The following RPGRIP1L variants were observed in gnomAD, a reference collection of about 807,000 sequenced individuals.
The protein encoded by RPGRIP1L is RPGRIP1 like, also known as protein fantom.
Under a neutral mutation model 160.4 loss-of-function variants are expected in RPGRIP1L, and 131 were observed. The observed-to-expected ratio is 0.82, with a 90% confidence interval of 0.71 to 0.94. The LOEUF is 0.94. Ranked by LOEUF, RPGRIP1L falls within the 40% of genes least tolerant of loss-of-function variation. RPGRIP1L has a pLI of 0.00. For synonymous variants in RPGRIP1L, 510 were observed against 515.8 expected (o/e 0.99, Z 0.15); for missense variants, 1,522 against 1,535.8 (o/e 0.99, Z 0.15).
At chr16:53,698,019 G>A (rs1034735813) in intron 2 of RPGRIP1L, among the ~76,000 whole-genome samples, 16 of 150,598 alleles carry the variant, frequency 1.1e-4, no homozygotes, top group Middle Eastern at 3.5e-3. Context: ...CTGCCGCCCC[G>A]TCTGGGATGT....
chr16:53,663,563 T>C (rs772062380), intron 10 of RPGRIP1L, among the ~76,000 whole-genome samples: 9 of 152,064 alleles, frequency 5.9e-5, no homozygotes, highest in Non-Finnish European at 8.8e-5. Context: ...GAGCAATTAC[T>C]AAGGCAAAGC....
intron 14 of RPGRIP1L, 121 bp downstream of exon 14, chr16:53,656,351 C>A (rs1967254795): frequency 7.5e-6 from 6 of 798,962 alleles, no homozygotes; most frequent in Non-Finnish European, 1.1e-5. Flanking sequence ...CATGAGCTAG[C>A]TATGAATTAG....
intron 14 of RPGRIP1L, 63 bp downstream of exon 14, chr16:53,656,404 GACATT>G: frequency 1.0e-6 from 1 of 1,003,582 alleles, no homozygotes; most frequent in Middle Eastern, 2.0e-4. Context: ...AGATTTGGAT[GACATT>G]ATCAACTGTT....
chr16:53,695,654 A>G (rs1305546316), intron 3 of RPGRIP1L: 2 of 547,656 alleles, frequency 3.7e-6, no homozygotes, highest in African/African-American at 3.8e-5. Flanking sequence ...TTCTTCAGAA[A>G]CAGTAGAGAC....
chr16:53,652,279 G>T (rs1436253331), intron 15 of RPGRIP1L, among the ~76,000 whole-genome samples: 1 of 152,102 alleles, frequency 6.6e-6, no homozygotes, highest in East Asian at 1.9e-4. Flanking sequence ...TGCTGTATTT[G>T]TCAGGCTGGT....
At chr16:53,621,420 T>C (rs914792575) in intron 23 of RPGRIP1L, among the ~76,000 whole-genome samples, 3 of 150,416 alleles carry the variant, frequency 2.0e-5, no homozygotes, top group African/African-American at 7.3e-5. Flanking sequence ...GTCTATCTTA[T>C]TTCTGGTCAA....
chr16:53,634,597 C>T (rs1965716899), intron 22 of RPGRIP1L, among the ~76,000 whole-genome samples: 1 of 152,160 alleles, frequency 6.6e-6, no homozygotes, highest in Admixed American at 6.5e-5. Flanking sequence ...AATGCCCTCA[C>T]TCTGTTAGTT....
chr16:53,658,862 G>T lies in RPGRIP1L; in HGVS notation c.1260C>A (p.Leu420=), dbSNP rs760245904. ...LKTERDQNEK[L]VQENRELQLQ... ...ACTGTAGTTCTCTATTCTCTTGAAC[G>T]AGTTTTTCATTTTGATCTTAAAAAT... The change falls in exon 11 of 27, where the codon CTC becomes CTA. Residue 420 remains leucine (L), a synonymous_variant. Coordinates refer to ENST00000647211, the MANE Select transcript of RPGRIP1L (RefSeq NM_015272.5). 2.5e-6 allele frequency: 4 copies of T among 1,598,480 alleles called. No homozygotes were observed. Among genetic ancestry groups the T allele is most frequent in the Non-Finnish European group, 3.4e-6 (4 of 1,169,018 alleles).
At chr16:53,695,012 A>G (rs1970648061) in intron 3 of RPGRIP1L, 2 of 276,324 alleles carry the variant, frequency 7.2e-6, no homozygotes. Flanking sequence ...CAGAGAGATA[A>G]CAGAATGCAT....
At chr16:53,679,961 C>T (rs914989514) in intron 6 of RPGRIP1L, among the ~76,000 whole-genome samples, 1 of 152,128 alleles carries the variant, frequency 6.6e-6, no homozygotes, top group Non-Finnish European at 1.5e-5. Context: ...ACTCAAATCT[C>T]GCTCTAAGAG....
chr16:53,614,466 G>A (rs551993438), intron 24 of RPGRIP1L, among the ~76,000 whole-genome samples: 2 of 152,330 alleles, frequency 1.3e-5, no homozygotes, highest in Admixed American at 6.5e-5. Context: ...AGTTGATATT[G>A]CTGCTGGTGG....
intron 9 of RPGRIP1L, among the ~76,000 whole-genome samples, chr16:53,665,250 A>G (rs543147162): frequency 2.8e-4 from 42 of 152,248 alleles, no homozygotes; most frequent in African/African-American, 9.9e-4. Context: ...TAAAGTCAGA[A>G]AAGTTGGCAG....
chr16:53,673,168 A>G, intron 7 of RPGRIP1L, 152 bp from the exon 8 acceptor site: 1 of 747,112 alleles, frequency 1.3e-6, no homozygotes, highest in African/African-American at 1.8e-5. Context: ...CAAATGATGT[A>G]TACGTGCTAC....
Position 53,602,015 on chromosome 16 carries a change from T to C in RPGRIP1L, c.*61A>G, listed in dbSNP as rs1055502976. The C allele has an allele frequency of 1.5e-5, 14 of 964,350 alleles. No homozygotes were observed. The highest frequency in any genetic ancestry group is 2.5e-5 in the East Asian group (1 of 40,126). 59.7% of individuals were successfully genotyped at this position (964,350 alleles called of 1,614,324 possible). On this transcript the variant is annotated 3_prime_UTR_variant, in exon 27 of 27. Coordinates refer to ENST00000647211, the MANE Select transcript of RPGRIP1L (RefSeq NM_015272.5). ...CACCAGAGTAATTACAAAAATCTCATGTAGGAACTTTCATGTGAGCATTTA... is the reference window on the plus strand; with the variant it reads ...CACCAGAGTAATTACAAAAATCTCACGTAGGAACTTTCATGTGAGCATTTA...
rs8060952 is a variant in RPGRIP1L, at chr16:53,666,592, G to A, written c.1104-1583C>T. On this transcript the variant is annotated intron_variant, in intron 9 of 26. Transcript: ENST00000647211. ...TGTGTGTGTGTGTGTGTGTGTGTGT[G>A]TATATATATATATATGTATGTATGT... 9.5e-3 allele frequency among the ~76,000 whole-genome samples: 1,392 copies of A among 147,296 alleles called. 10 individuals are homozygous for A. The highest frequency in any genetic ancestry group is 0.021 in the Middle Eastern group (6 of 284).
At chr16:53,611,356 C>T (rs191688210) in intron 24 of RPGRIP1L, among the ~76,000 whole-genome samples, 7 of 152,320 alleles carry the variant, frequency 4.6e-5, no homozygotes, top group Admixed American at 1.3e-4. Flanking sequence ...TAAAAGTCAA[C>T]GGTCTTTATT....
chr16:53,685,251 T>C (rs1167418709), intron 6 of RPGRIP1L, among the ~76,000 whole-genome samples: 2 of 152,182 alleles, frequency 1.3e-5, no homozygotes, highest in Non-Finnish European at 2.9e-5. Context: ...TTTTACACTG[T>C]TGGTGGGAGT....
At chr16:53,698,648 C>T (rs1441325229) in intron 2 of RPGRIP1L, among the ~76,000 whole-genome samples, 52 of 139,306 alleles carry the variant, frequency 3.7e-4, no homozygotes, top group Non-Finnish European at 6.9e-4. Flanking sequence ...CCCGGCCAGC[C>T]GCCCCGTCGG....
chr16:53,690,138 T>G (rs965022939), intron 4 of RPGRIP1L, among the ~76,000 whole-genome samples: 38 of 152,234 alleles, frequency 2.5e-4, no homozygotes, highest in Admixed American at 2.2e-3. Flanking sequence ...AAACTTTTTT[T>G]GTGTTAAATG....
Sources: allele counts gnomAD v4.1 joint callset (sites outside exome capture counted in the v4.1 genomes callset), GRCh38; gene constraint gnomAD v4.1.1; transcripts MANE v1.5; gene names NCBI Gene and HGNC (gene_info 2026-07-23, HGNC 2026-07-21).